Variants in SYT14 observed in about 807,000 individuals in gnomAD.
The protein encoded by SYT14 is synaptotagmin-14.
Under a neutral mutation model 74.2 loss-of-function variants are expected in SYT14, and 32 were observed. The ratio of observed to expected loss-of-function variants is 0.43; its 90% CI spans 0.33 to 0.58. The LOEUF is 0.58. SYT14 is among the 20% of genes least tolerant of loss of function. The pLI is 0.05. For missense variants in SYT14, 791 were observed against 981.8 expected, an observed-to-expected ratio of 0.81 and a Z score of 2.60; for synonymous variants, 298 against 337.7, an observed-to-expected ratio of 0.88 and a Z score of 1.29.
intron 2 of SYT14, among the ~76,000 whole-genome samples, chr1:209,982,203 T>G (rs1243759961): frequency 6.6e-6 from 1 of 152,214 alleles, no homozygotes; most frequent in Non-Finnish European, 1.5e-5. Context: ...TAACCCAAGC[T>G]GGAGTGCAGT....
chr1:210,156,952 C>T (rs1218523074), intron 8 of SYT14: 3 of 297,574 alleles, frequency 1.0e-5, no homozygotes, highest in Non-Finnish European at 2.2e-5. Flanking sequence ...CTTCGGCCTC[C>T]CAAAGTGCTG....
intron 2 of SYT14, among the ~76,000 whole-genome samples, chr1:209,959,715 A>G (rs1267319722): frequency 6.6e-6 from 1 of 152,208 alleles, no homozygotes; most frequent in African/African-American, 2.4e-5. Flanking sequence ...TGAAATGTGT[A>G]GAATAGACAA....
intron 2 of SYT14, among the ~76,000 whole-genome samples, chr1:209,961,652 ATAT>A (rs1347324955): frequency 1.3e-5 from 2 of 152,134 alleles, no homozygotes; most frequent in African/African-American, 2.4e-5. Flanking sequence ...TGGTATGTAC[ATAT>A]TATTATTATC....
intron 5 of SYT14, among the ~76,000 whole-genome samples, chr1:210,078,398 T>G (rs1221434898): frequency 6.6e-6 from 1 of 151,414 alleles, no homozygotes; most frequent in Non-Finnish European, 1.5e-5. Context: ...ATTTGATAAC[T>G]GCATGTGGAT....
intron 7 of SYT14, among the ~76,000 whole-genome samples, chr1:210,113,504 A>G (rs1271776189): frequency 6.6e-6 from 1 of 151,312 alleles, no homozygotes; most frequent in Admixed American, 6.6e-5. Flanking sequence ...CCATGCTGTA[A>G]CAGGCAAGTG....
At chr1:210,070,570 C>A (rs2081373577) in intron 5 of SYT14, among the ~76,000 whole-genome samples, 1 of 152,056 alleles carries the variant, frequency 6.6e-6, no homozygotes, top group South Asian at 2.1e-4. Context: ...GTTATAAAAG[C>A]TTGACAAATT....
In SYT14 at chr1:210,001,721, C is replaced by T. The variant is rs77405256; in HGVS notation, c.-485-11912C>T. Among the ~76,000 whole-genome samples, 353 of 152,152 alleles carry T rather than the reference C, an allele frequency of 2.3e-3. 12 individuals carry two copies. The East Asian group carries it at 0.064, about 28-fold the overall frequency. ...TTAAAATAGGGTTGACAGAGTTGCT[C>T]TTATTAAGAAAGTAATGTTTAAGCA... On this transcript the variant is annotated intron_variant, in intron 2 of 9. Coordinates refer to ENST00000637265, the Ensembl canonical transcript of SYT14.
chr1:210,170,220 T>C (rs1171436094), exon 10 of SYT14: 1 of 152,182 alleles, frequency 6.6e-6, no homozygotes, highest in Non-Finnish European at 1.5e-5. Context: ...TAAACACATG[T>C]CTGTGTGGTT....
At chr1:210,123,854 A>G (rs1277962600) in intron 7 of SYT14, among the ~76,000 whole-genome samples, 1 of 152,218 alleles carries the variant, frequency 6.6e-6, no homozygotes, top group Non-Finnish European at 1.5e-5. Context: ...TGGAAAGATG[A>G]CAAGAAAACT....
chr1:210,010,710 A>G (rs2080070900), intron 2 of SYT14, among the ~76,000 whole-genome samples: 1 of 152,174 alleles, frequency 6.6e-6, no homozygotes, highest in Non-Finnish European at 1.5e-5. Flanking sequence ...AGGAACGTAG[A>G]AATAAGGATT....
intron 7 of SYT14, among the ~76,000 whole-genome samples, chr1:210,133,909 C>G (rs993153489): frequency 3.4e-5 from 5 of 147,488 alleles, no homozygotes; most frequent in Non-Finnish European, 7.4e-5. Context: ...GAAACACCAA[C>G]TCCATAGGAA....
chr1:210,072,377 G>T (rs2102449599), intron 5 of SYT14, among the ~76,000 whole-genome samples: 1 of 152,010 alleles, frequency 6.6e-6, no homozygotes, highest in African/African-American at 2.4e-5. Flanking sequence ...ATACATAAAA[G>T]GTTCAGGCAT....
intron 4 of SYT14, among the ~76,000 whole-genome samples, chr1:210,020,173 G>GAT: frequency 6.6e-6 from 1 of 152,158 alleles, no homozygotes; most frequent in East Asian, 1.9e-4. Flanking sequence ...CTCATAACAT[G>GAT]ATATTGTAGT....
At chr1:209,974,134 G>T (rs1450725389) in intron 2 of SYT14, among the ~76,000 whole-genome samples, 1 of 151,004 alleles carries the variant, frequency 6.6e-6, no homozygotes, top group Non-Finnish European at 1.5e-5. Context: ...TGAGTAGATT[G>T]CAAAAATGTT....
rs200424520 is a variant in SYT14 at position 209,948,008 on chromosome 1, CA to C, written c.-533-4700del. On this transcript the variant is annotated intron_variant, in intron 1 of 9. Coordinates refer to ENST00000637265, the Ensembl canonical transcript of SYT14. ...AAATTATTTTTAAATTAAGATCATA[CA>C]TTTTTTAAGATACAATGATATTGCA... 4.4e-3 allele frequency among the ~76,000 whole-genome samples: 671 copies of C among 152,236 alleles called. 2 individuals are homozygous for C. The highest frequency in any genetic ancestry group is 0.015 in the African/African-American group (615 of 41,540).
intron 7 of SYT14, among the ~76,000 whole-genome samples, chr1:210,102,544 G>T (rs1266458696): frequency 6.6e-6 from 1 of 152,066 alleles, no homozygotes. Flanking sequence ...CCCTGCTTAA[G>T]TTTTAATATT....
exon 10 of SYT14, chr1:210,163,713 A>T: frequency 2.2e-6 from 1 of 453,600 alleles, no homozygotes; most frequent in South Asian, 1.6e-5. Context: ...TACTCCCAAA[A>T]AGTTGTCTGT....
intron 2 of SYT14, among the ~76,000 whole-genome samples, chr1:209,992,912 A>G (rs955619376): frequency 6.6e-6 from 1 of 152,126 alleles, no homozygotes; most frequent in African/African-American, 2.4e-5. Flanking sequence ...GTGTAGGTTA[A>G]CTGAACCCTA....
intron 7 of SYT14, among the ~76,000 whole-genome samples, chr1:210,115,932 C>T (rs1251909760): frequency 1.3e-5 from 2 of 150,714 alleles, no homozygotes; most frequent in Non-Finnish European, 2.9e-5. Flanking sequence ...AGGCTGAGTC[C>T]GAAAAGAGAG....
Sources: gnomAD v4.1 joint callset for allele counts (sites outside exome capture counted in the v4.1 genomes callset) on GRCh38, gnomAD v4.1.1 for gene constraint, MANE v1.5 for transcripts, NCBI Gene and HGNC (gene_info 2026-07-23, HGNC 2026-07-21) for gene names.